Variants in STK31 observed in about 807,000 individuals in gnomAD.
STK31 encodes serine/threonine-protein kinase 31.
A neutral mutation model predicts 129.7 loss-of-function variants in STK31; 89 were observed. That is an observed-to-expected ratio of 0.69 (90% CI 0.58 to 0.82). The LOEUF (loss-of-function observed/expected upper bound fraction) is 0.82, where lower values mean the gene tolerates loss of function less well. STK31 is among the 40% of genes least tolerant of loss of function. The probability of loss-of-function intolerance (pLI) is 0.00; values close to 1 mark genes in which losing one functional copy is unlikely to be tolerated. For missense variants in STK31, 1,187 were observed against 1,176.4 expected, an observed-to-expected ratio of 1.01 and a Z score of -0.13; for synonymous variants, 448 against 395.3, an observed-to-expected ratio of 1.13 and a Z score of -1.58.
rs531643498 is a variant in STK31 at position 23,825,010 on chromosome 7, T to A, written c.2830-7126T>A. Among the ~76,000 whole-genome samples the A allele has an allele frequency of 2.6e-5, 4 of 152,270 alleles. No homozygotes were observed. The East Asian group carries it at 7.7e-4, about 29-fold the overall frequency. ...CTGGATTCGGTTTGCCAGTATTTTA[T>A]TGAGGATTTTTGCATCAATGTTCAT... On this transcript the variant is annotated intron_variant, in intron 23 of 23. Coordinates refer to ENST00000355870, the MANE Select transcript of STK31 (RefSeq NM_031414.5).
At chr7:23,714,901 A>G (rs1389034847) in intron 3 of STK31, among the ~76,000 whole-genome samples, 1 of 152,198 alleles carries the variant, frequency 6.6e-6, no homozygotes, top group Non-Finnish European at 1.5e-5. Flanking sequence ...CATAATGTGA[A>G]TGAGTGTGTG....
chr7:23,822,089 C>T (rs1793818552), intron 23 of STK31, among the ~76,000 whole-genome samples: 1 of 152,080 alleles, frequency 6.6e-6, no homozygotes, highest in Admixed American at 6.6e-5. Flanking sequence ...CACCTTTGTT[C>T]TTTTTGCTGA....
chr7:23,812,530 T>A (rs1193537002), intron 22 of STK31, among the ~76,000 whole-genome samples: 1 of 151,954 alleles, frequency 6.6e-6, no homozygotes, highest in Non-Finnish European at 1.5e-5. Flanking sequence ...TTTATTAAAT[T>A]TCTCTAGATT....
chr7:23,784,559 T>C (rs1791144874), intron 17 of STK31, among the ~76,000 whole-genome samples: 1 of 152,188 alleles, frequency 6.6e-6, no homozygotes, highest in Non-Finnish European at 1.5e-5. Context: ...TGGAAGATTA[T>C]AAAAGGTTTG....
intron 23 of STK31, among the ~76,000 whole-genome samples, chr7:23,827,722 G>A (rs953622151): frequency 1.3e-5 from 2 of 152,096 alleles, no homozygotes; most frequent in Non-Finnish European, 2.9e-5. Context: ...CATCTTTGTG[G>A]TTTTATCTAC....
intron 22 of STK31, among the ~76,000 whole-genome samples, chr7:23,799,332 T>C (rs966956758): frequency 6.6e-6 from 1 of 152,180 alleles, no homozygotes; most frequent in African/African-American, 2.4e-5. Flanking sequence ...GCTACCTGAC[T>C]TCAAACTATA....
In STK31 at chr7:23,815,128, T is replaced by G; in HGVS notation, c.2761-16T>G. On this transcript the variant is annotated splice_polypyrimidine_tract_variant and intron_variant, in intron 22 of 23. Transcript: ENST00000355870. ...TAATACATTGGACATTTATTCATTCTTACTTTCTTTCACAGCTTTCTGTTC... is the reference window on the plus strand; with the variant it reads ...TAATACATTGGACATTTATTCATTCGTACTTTCTTTCACAGCTTTCTGTTC... The G allele has an allele frequency of 6.3e-7, 1 of 1,589,858 alleles. No homozygotes were observed. Among genetic ancestry groups the G allele is most frequent in the South Asian group, 1.1e-5 (1 of 87,644 alleles).
At chr7:23,721,664 G>A (rs1472417803) in intron 4 of STK31, 2 of 812,526 alleles carry the variant, frequency 2.5e-6, no homozygotes, top group Non-Finnish European at 4.4e-6. Flanking sequence ...ATTCCTGACA[G>A]CACAGGGAGG....
At chr7:23,726,471 C>T (rs1281885132) in intron 4 of STK31, 1 of 147,826 alleles carries the variant, frequency 6.8e-6, no homozygotes, top group African/African-American at 2.5e-5. Flanking sequence ...AAAACTTAGC[C>T]CAGGCGTGGT....
intron 22 of STK31, among the ~76,000 whole-genome samples, chr7:23,797,666 T>A (rs1358036326): frequency 3.9e-5 from 6 of 152,054 alleles, no homozygotes; most frequent in African/African-American, 1.4e-4. Context: ...GCGGGAAAGA[T>A]CTAAAATCGA....
chr7:23,728,940 T>G, intron 5 of STK31, 151 bp from the exon 6 acceptor site: 1 of 563,704 alleles, frequency 1.8e-6, no homozygotes, highest in Non-Finnish European at 2.8e-6. Flanking sequence ...TTTGAAGATA[T>G]TAGAAATCTG....
At chr7:23,768,431 T>C (rs2128102347) in intron 11 of STK31, among the ~76,000 whole-genome samples, 1 of 152,374 alleles carries the variant, frequency 6.6e-6, no homozygotes, top group Non-Finnish European at 1.5e-5. Flanking sequence ...TTAATGTCTT[T>C]ACTTAATTAG....
At chr7:23,821,272 A>G (rs996005295) in intron 23 of STK31, among the ~76,000 whole-genome samples, 4 of 152,204 alleles carry the variant, frequency 2.6e-5, no homozygotes, top group African/African-American at 9.6e-5. Context: ...AACAATGTAT[A>G]ACAGTTTCCT....
At chr7:23,813,484 A>T (rs1328247556) in intron 22 of STK31, among the ~76,000 whole-genome samples, 1 of 152,138 alleles carries the variant, frequency 6.6e-6, no homozygotes, top group East Asian at 1.9e-4. Context: ...ATTTTAATAG[A>T]TTCTGGGTCC....
chr7:23,797,758 G>C (rs1792066644), intron 22 of STK31, among the ~76,000 whole-genome samples: 1 of 151,716 alleles, frequency 6.6e-6, no homozygotes, highest in African/African-American at 2.4e-5. Flanking sequence ...AAATAATTAA[G>C]ATCAGGGCAG....
intron 4 of STK31, among the ~76,000 whole-genome samples, chr7:23,723,409 T>A (rs964109332): frequency 2.0e-5 from 3 of 152,172 alleles, no homozygotes; most frequent in Non-Finnish European, 4.4e-5. Flanking sequence ...CCTCAATTTT[T>A]AAAATTTTTT....
upstream of STK31, chr7:23,710,164 G>C: frequency 6.4e-7 from 1 of 1,558,706 alleles, no homozygotes; most frequent in South Asian, 1.2e-5. Flanking sequence ...CGTGACTCCC[G>C]CTAACACCGG....
At position 23,799,497 on chromosome 7, in the gene STK31, G is replaced by A. The variant is rs567615353; in HGVS notation, c.2760+8551G>A. Among the ~76,000 whole-genome samples, 398 of 152,268 alleles carry A rather than the reference G, an allele frequency of 2.6e-3. 2 individuals are homozygous for A. The highest frequency in any genetic ancestry group is 9.0e-3 in the African/African-American group (372 of 41,560). On this transcript the variant is annotated intron_variant, in intron 22 of 23. Transcript: ENST00000355870. ...CTGACAGAAGCAAGCAATGGGGAAA[G>A]GATTCCCTATTTAATAAATGGTGTT...
chr7:23,779,556 G>T (rs967992727), intron 15 of STK31, among the ~76,000 whole-genome samples: 2 of 152,172 alleles, frequency 1.3e-5, no homozygotes, highest in Admixed American at 6.5e-5. Context: ...AATCTAGAGA[G>T]GCGGTCTGGC....
Sources: gnomAD v4.1 joint callset for allele counts (sites outside exome capture counted in the v4.1 genomes callset) on GRCh38, gnomAD v4.1.1 for gene constraint, MANE v1.5 for transcripts, NCBI Gene and HGNC (gene_info 2026-07-23, HGNC 2026-07-21) for gene names.